LRP1B: variants seen among roughly 807,000 people sequenced by gnomAD.
The protein encoded by LRP1B is LDL receptor related protein 1B, also known as low-density lipoprotein receptor-related protein 1B.
A neutral mutation model predicts 556.6 loss-of-function variants in LRP1B; 217 were observed. The ratio of observed to expected loss-of-function variants is 0.39; its 90% CI spans 0.35 to 0.44. The LOEUF is 0.44. Among genes scored for constraint, LRP1B ranks in the 20% least tolerant of loss-of-function variants. The pLI is 1.00. For missense variants in LRP1B, 5,053 were observed against 5,620.8 expected (o/e 0.90, Z 3.23); for synonymous variants, 2,047 against 1,865.8 (o/e 1.10, Z -2.50).
intron 35 of LRP1B, among the ~76,000 whole-genome samples, chr2:140,744,211 C>A (rs1049180801): frequency 2.0e-5 from 3 of 151,616 alleles, no homozygotes; most frequent in Non-Finnish European, 4.4e-5. Context: ...TATACATATA[C>A]CATTGCATTG....
intron 35 of LRP1B, among the ~76,000 whole-genome samples, chr2:140,729,053 T>A (rs1687689331): frequency 6.6e-6 from 1 of 152,014 alleles, no homozygotes; most frequent in African/African-American, 2.4e-5. Context: ...TAATTTGGTT[T>A]AACATAATAT....
intron 6 of LRP1B, among the ~76,000 whole-genome samples, chr2:141,194,877 G>T (rs572899308): frequency 1.3e-5 from 2 of 152,002 alleles, no homozygotes; most frequent in African/African-American, 4.8e-5. Context: ...ATCTCCCAGA[G>T]GGAACAAAAA....
intron 43 of LRP1B, among the ~76,000 whole-genome samples, chr2:140,542,882 C>T (rs1327072770): frequency 2.0e-5 from 3 of 152,134 alleles, no homozygotes; most frequent in Non-Finnish European, 4.4e-5. Flanking sequence ...TGCGAGCCAA[C>T]TCCTCCAGGC....
chr2:141,377,664 A>T (rs1406668746), intron 3 of LRP1B, among the ~76,000 whole-genome samples: 1 of 152,004 alleles, frequency 6.6e-6, no homozygotes, highest in Non-Finnish European at 1.5e-5. Flanking sequence ...TTAACTCATT[A>T]TCCACTACAA....
chr2:140,783,907 A>C (rs1365485601), intron 32 of LRP1B, among the ~76,000 whole-genome samples: 1 of 152,218 alleles, frequency 6.6e-6, no homozygotes, highest in Non-Finnish European at 1.5e-5. Flanking sequence ...AGCATGAATT[A>C]GAATTACCTG....
intron 56 of LRP1B, among the ~76,000 whole-genome samples, chr2:140,494,565 C>T (rs774771542): frequency 2.1e-4 from 31 of 147,340 alleles, no homozygotes; most frequent in Non-Finnish European, 4.2e-4. Flanking sequence ...TAAGATCGCG[C>T]CACTGCACTC....
In LRP1B at chr2:141,623,880, T is replaced by C. The variant is rs573718034; in HGVS notation, c.206-143347A>G. 6.6e-5 allele frequency among the ~76,000 whole-genome samples: 10 copies of C among 150,714 alleles called. No individual in the cohort carries two copies. The South Asian group carries it at 2.1e-3, about 32-fold the overall frequency. Reference sequence around the variant, plus strand: ...AAATACAAAAATTAGCCGGGCACGGTGGCAGGTTCGTGTAATCCCAGCTAC... The same window carrying C: ...AAATACAAAAATTAGCCGGGCACGGCGGCAGGTTCGTGTAATCCCAGCTAC... On this transcript the variant is annotated intron_variant, in intron 2 of 90. Transcript: ENST00000389484.
At chr2:140,529,434 G>A (rs573791594) in intron 47 of LRP1B, among the ~76,000 whole-genome samples, 3 of 102,668 alleles carry the variant, frequency 2.9e-5, no homozygotes, top group African/African-American at 9.1e-5. Context: ...AGCTGAAAAG[G>A]GGGGGGGGAA....
chr2:140,963,557 T>C (rs1696103684), intron 18 of LRP1B, among the ~76,000 whole-genome samples: 1 of 152,148 alleles, frequency 6.6e-6, no homozygotes. Flanking sequence ...GTCAGCATCA[T>C]AAAGACAGTT....
chr2:142,087,391 G>A (rs1039612179), intron 1 of LRP1B, among the ~76,000 whole-genome samples: 1 of 151,802 alleles, frequency 6.6e-6, no homozygotes, highest in Admixed American at 6.6e-5. Context: ...TTTTCAAAGG[G>A]GATGTAAATA....
At chr2:141,045,324 G>A (rs1017300651) in intron 11 of LRP1B, among the ~76,000 whole-genome samples, 5 of 150,458 alleles carry the variant, frequency 3.3e-5, no homozygotes, top group Non-Finnish European at 4.4e-5. Flanking sequence ...AATGCTAGAT[G>A]ACGAGATAGT....
chr2:141,571,789 G>C (rs945855212), intron 2 of LRP1B, among the ~76,000 whole-genome samples: 2 of 151,824 alleles, frequency 1.3e-5, no homozygotes, highest in African/African-American at 4.8e-5. Flanking sequence ...ATTATACACA[G>C]GTATCAACAG....
At chr2:141,226,206 G>T (rs923704316) in intron 6 of LRP1B, among the ~76,000 whole-genome samples, 12 of 151,886 alleles carry the variant, frequency 7.9e-5, no homozygotes, top group African/African-American at 2.7e-4. Flanking sequence ...ATCATTGAAG[G>T]TAGATTTGCT....
chr2:141,991,347 A>T (rs559754970), intron 1 of LRP1B, among the ~76,000 whole-genome samples: 1 of 152,144 alleles, frequency 6.6e-6, no homozygotes, highest in East Asian at 1.9e-4. Flanking sequence ...TATTGTGATC[A>T]CCCTTAACAT....
At chr2:140,470,894 T>C (rs1687742284) in intron 60 of LRP1B, among the ~76,000 whole-genome samples, 2 of 152,138 alleles carry the variant, frequency 1.3e-5, no homozygotes, top group Admixed American at 1.3e-4. Flanking sequence ...AGACTTCTTT[T>C]AAGATCTTAA....
intron 32 of LRP1B, among the ~76,000 whole-genome samples, chr2:140,801,619 A>C (rs530090281): frequency 6.6e-6 from 1 of 151,650 alleles, no homozygotes; most frequent in Admixed American, 6.6e-5. Flanking sequence ...TGAGACTAAT[A>C]ATGCTAATAA....
chr2:140,233,761 A>G (rs993784276), intron 90 of LRP1B, among the ~76,000 whole-genome samples: 3 of 151,298 alleles, frequency 2.0e-5, no homozygotes, highest in Non-Finnish European at 4.4e-5. Flanking sequence ...GGTGCTTATA[A>G]TTTTTCAACA....
chr2:140,567,848 C>T (rs1159705491), intron 43 of LRP1B, among the ~76,000 whole-genome samples: 1 of 152,188 alleles, frequency 6.6e-6, no homozygotes, highest in Non-Finnish European at 1.5e-5. Flanking sequence ...ATTATTGAGA[C>T]ACTCATAGTT....
At chr2:141,719,129 T>C (rs1266625083) in intron 2 of LRP1B, among the ~76,000 whole-genome samples, 1 of 152,122 alleles carries the variant, frequency 6.6e-6, no homozygotes, top group Non-Finnish European at 1.5e-5. Context: ...GAATATTACC[T>C]CAGACAGGCA....
Sources: allele counts gnomAD v4.1 joint callset (sites outside exome capture counted in the v4.1 genomes callset), GRCh38; gene constraint gnomAD v4.1.1; transcripts MANE v1.5; gene names NCBI Gene and HGNC (gene_info 2026-07-23, HGNC 2026-07-21).